SIAH3: variants seen among roughly 807,000 people sequenced by gnomAD.
SIAH3 encodes siah E3 ubiquitin protein ligase family member 3.
In SIAH3, 9 loss-of-function variants were observed where a neutral mutation model predicts 12.6. The ratio of observed to expected loss-of-function variants is 0.72; its 90% confidence interval spans 0.43 to 1.25. The LOEUF (loss-of-function observed/expected upper bound fraction) is 1.25, where lower values mean the gene tolerates loss of function less well. Among genes scored for constraint, SIAH3 ranks in the 50% most tolerant of loss-of-function variants. The probability of loss-of-function intolerance (pLI) is 0.00; values close to 1 mark genes in which losing one functional copy is unlikely to be tolerated. For missense variants in SIAH3, 390 were observed against 365.4 expected, an observed-to-expected ratio of 1.07 and a Z score of -0.55; for synonymous variants, 154 against 151.1, an observed-to-expected ratio of 1.02 and a Z score of -0.14.
intron 1 of SIAH3, among the ~76,000 whole-genome samples, chr13:45,838,686 G>C (rs543733507): frequency 3.2e-4 from 49 of 152,102 alleles, no homozygotes; most frequent in African/African-American, 1.1e-3. Context: ...CAGTCTCTCC[G>C]GCGAGGCTTC....
At chr13:45,812,907 G>T (rs1289740045) in intron 1 of SIAH3, among the ~76,000 whole-genome samples, 8 of 152,220 alleles carry the variant, frequency 5.3e-5, no homozygotes, top group Admixed American at 4.6e-4. Context: ...AGCAAATAAA[G>T]GTGCAAGTCT....
At chr13:45,831,497 C>G (rs1451152502) in intron 1 of SIAH3, among the ~76,000 whole-genome samples, 1 of 152,176 alleles carries the variant, frequency 6.6e-6, no homozygotes, top group Non-Finnish European at 1.5e-5. Flanking sequence ...TGCATTCACT[C>G]AGTAGATATT....
chr13:45,828,739 T>G (rs1312915228), intron 1 of SIAH3, among the ~76,000 whole-genome samples: 1 of 152,188 alleles, frequency 6.6e-6, no homozygotes, highest in African/African-American at 2.4e-5. Context: ...CAATAAGTCA[T>G]TTTCAACAGT....
At chr13:45,847,623 G>GTGTGTGTGTGTGTT in intron 1 of SIAH3, among the ~76,000 whole-genome samples, 1 of 24,580 alleles carries the variant, frequency 4.1e-5, no homozygotes, top group South Asian at 1.8e-3. Flanking sequence ...CCATGTGTTC[G>GTGTGTGTGTGTGTT]TGTGTGTGTG....
chr13:45,799,910 T>G (rs929465478), intron 1 of SIAH3, among the ~76,000 whole-genome samples: 18 of 152,358 alleles, frequency 1.2e-4, no homozygotes, highest in African/African-American at 4.3e-4. Flanking sequence ...GGAAAATGTA[T>G]GTAACATATT....
chr13:45,791,939 A>G (rs1186771364), intron 1 of SIAH3, among the ~76,000 whole-genome samples: 1 of 152,070 alleles, frequency 6.6e-6, no homozygotes, highest in African/African-American at 2.4e-5. Flanking sequence ...TCTGTTAACA[A>G]TCACCAGGAG....
intron 1 of SIAH3, among the ~76,000 whole-genome samples, 169 bp from the exon 2 acceptor site, chr13:45,784,226 A>G (rs1022009135): frequency 2.0e-5 from 3 of 150,922 alleles, no homozygotes; most frequent in Non-Finnish European, 4.4e-5. Flanking sequence ...ACCACAAAGG[A>G]CAGAGTGGGC....
intron 1 of SIAH3, among the ~76,000 whole-genome samples, chr13:45,845,423 A>G (rs1950755972): frequency 6.6e-6 from 1 of 152,200 alleles, no homozygotes; most frequent in Non-Finnish European, 1.5e-5. Flanking sequence ...AAAAGATTTA[A>G]GTTGTCCATC....
chr13:45,820,579 G>C (rs1357853974), intron 1 of SIAH3, among the ~76,000 whole-genome samples: 1 of 152,178 alleles, frequency 6.6e-6, no homozygotes, highest in African/African-American at 2.4e-5. Context: ...GGTACGGTGT[G>C]GGTGGTAGAG....
At position 45,778,770 on chromosome 13, in the gene SIAH3, G is replaced by A. The variant is rs1950493223; in HGVS notation, c.*4613C>T. On this transcript the variant is annotated 3_prime_UTR_variant, in exon 2 of 2. Coordinates refer to ENST00000400405, the MANE Select transcript of SIAH3 (RefSeq NM_198849.3). The stretch of plus-strand genomic sequence containing the variant: ...AAAAAAAGAAATAATACAACAATAA[G>A]AAATAATGCAGTATAAAAACTATTG... 2 of 152,040 alleles carry A rather than the reference G, an allele frequency of 1.3e-5. No homozygotes were observed. The highest frequency in any genetic ancestry group is 6.6e-5 in the Admixed American group (1 of 15,262). The allele number at this position is 152,040 out of a possible 1,614,324, so 9.4% of individuals were successfully genotyped here. A position where few individuals can be genotyped will look rare whatever the true frequency, so the allele number is the denominator to read the frequency against.
chr13:45,783,693 A>G lies in SIAH3; in HGVS notation c.500T>C (p.Phe167Ser). 3.7e-6 allele frequency: 6 copies of G among 1,614,090 alleles called. No individual in the cohort carries two copies. The highest frequency in any genetic ancestry group is 5.1e-6 in the Non-Finnish European group (6 of 1,179,986). ...IIMHSCLGHH[F>S]LLVLRKQERH... Reference sequence around the variant, plus strand: ...CTCCTGTTTCCTCAGCACCAACAGAAAGTGGTGGCCAAGGCAGGAGTGCAT... The same window carrying G: ...CTCCTGTTTCCTCAGCACCAACAGAGAGTGGTGGCCAAGGCAGGAGTGCAT... The change falls in exon 2 of 2, where the codon TTT becomes TCT. Residue 167 changes from phenylalanine to serine, a missense_variant. Physicochemically the swap from Phe to Ser is radical, Grantham distance 155 (BLOSUM62 -2). Coordinates refer to ENST00000400405, the MANE Select transcript of SIAH3 (RefSeq NM_198849.3).
chr13:45,833,489 A>G (rs1950707037), intron 1 of SIAH3, among the ~76,000 whole-genome samples: 1 of 144,740 alleles, frequency 6.9e-6, no homozygotes, highest in African/African-American at 2.6e-5. Flanking sequence ...GCACACACAC[A>G]CACGCACACA....
chr13:45,793,424 C>T (rs1950552714), intron 1 of SIAH3, among the ~76,000 whole-genome samples: 1 of 152,202 alleles, frequency 6.6e-6, no homozygotes, highest in Non-Finnish European at 1.5e-5. Flanking sequence ...GTTCATCCTT[C>T]AGGGGTTCCT....
chr13:45,849,903 G>A (rs541309512), intron 1 of SIAH3, among the ~76,000 whole-genome samples: 29 of 152,190 alleles, frequency 1.9e-4, no homozygotes, highest in African/African-American at 6.7e-4. Flanking sequence ...ATCCAAAGTG[G>A]AAAAAATAAT....
At chr13:45,803,796 C>T (rs975044286) in intron 1 of SIAH3, among the ~76,000 whole-genome samples, 8 of 152,062 alleles carry the variant, frequency 5.3e-5, no homozygotes, top group Admixed American at 2.6e-4. Context: ...GTTATCAAGA[C>T]TGCTAAGGAG....
intron 1 of SIAH3, among the ~76,000 whole-genome samples, chr13:45,830,345 G>A (rs1320870797): frequency 6.6e-6 from 1 of 152,010 alleles, no homozygotes; most frequent in Non-Finnish European, 1.5e-5. Context: ...TTGGGAGAAG[G>A]ACAGACCTGC....
intron 1 of SIAH3, among the ~76,000 whole-genome samples, chr13:45,825,339 T>C (rs1566094551): frequency 6.6e-6 from 1 of 152,166 alleles, no homozygotes; most frequent in Non-Finnish European, 1.5e-5. Context: ...ATTCAGAATG[T>C]AACAAAATTA....
chr13:45,819,892 G>C (rs1440554740), intron 1 of SIAH3, among the ~76,000 whole-genome samples: 1 of 152,200 alleles, frequency 6.6e-6, no homozygotes, highest in African/African-American at 2.4e-5. Flanking sequence ...AGAACAGAAA[G>C]GGGTTCCTCA....
chr13:45,846,181 C>T (rs1950759610), intron 1 of SIAH3, among the ~76,000 whole-genome samples: 1 of 146,910 alleles, frequency 6.8e-6, no homozygotes, highest in Non-Finnish European at 1.5e-5. Context: ...CGTCTGCCTC[C>T]CGGGTTCAAG....
Sources: allele counts gnomAD v4.1 joint callset (sites outside exome capture counted in the v4.1 genomes callset), GRCh38; gene constraint gnomAD v4.1.1; transcripts MANE v1.5; gene names NCBI Gene and HGNC (gene_info 2026-07-23, HGNC 2026-07-21).